KIAA1217: variants seen among roughly 807,000 people sequenced by gnomAD.
The protein encoded by KIAA1217 is KIAA1217, also known as sickle tail protein homolog.
Under a neutral mutation model 163.9 loss-of-function variants are expected in KIAA1217, and 88 were observed. The observed-to-expected ratio is 0.54, with a 90% CI of 0.45 to 0.64. The LOEUF is 0.64. KIAA1217 is among the 30% of genes least tolerant of loss of function. The pLI, the probability that KIAA1217 is intolerant of heterozygous loss-of-function variation, is 0.00. For synonymous variants in KIAA1217, 903 were observed against 923.1 expected (o/e 0.98, Z 0.39); for missense variants, 2,372 against 2,475.0 (o/e 0.96, Z 0.88).
chr10:23,864,646 G>A (rs1014108768), intron 1 of KIAA1217, among the ~76,000 whole-genome samples: 7 of 151,760 alleles, frequency 4.6e-5, no homozygotes, highest in African/African-American at 1.5e-4. Context: ...CACATGAATA[G>A]GGCTTTTGTT....
chr10:23,890,219 T>C (rs978404780), intron 1 of KIAA1217, among the ~76,000 whole-genome samples: 4 of 151,740 alleles, frequency 2.6e-5, no homozygotes, highest in Non-Finnish European at 5.9e-5. Context: ...GTTAATTCTC[T>C]ATTTTCATTT....
Position 24,545,948 on chromosome 10 carries a change from G to C in KIAA1217, c.5456G>C (p.Ser1819Thr). ...SGKSSSLPSS[S>T]GDSSNLPNPP... The stretch of plus-strand genomic sequence containing the variant: ...AAAAGCAGTTCTCTGCCCTCTTCTA[G>C]TGGTGACAGCTCTAACCTCCCTAAT... Residue 1819 changes from serine to threonine, a missense_variant, in exon 21 of 21, where the codon AGT becomes ACT. Ser to Thr is a moderately conservative substitution (Grantham distance 58). Transcript: ENST00000376454. The C allele has an allele frequency of 6.2e-7, 1 of 1,614,124 alleles. No homozygotes were observed. Among genetic ancestry groups the C allele is most frequent in the Non-Finnish European group, 8.5e-7 (1 of 1,180,044 alleles).
intron 2 of KIAA1217, among the ~76,000 whole-genome samples, chr10:24,121,530 G>A (rs2131778318): frequency 6.6e-6 from 1 of 152,288 alleles, no homozygotes; most frequent in East Asian, 1.9e-4. Flanking sequence ...AAGACAGAAT[G>A]AAGTCTTTCA....
At chr10:24,329,835 T>C (rs2045429302) in intron 2 of KIAA1217, among the ~76,000 whole-genome samples, 2 of 152,090 alleles carry the variant, frequency 1.3e-5, no homozygotes, top group Admixed American at 1.3e-4. Flanking sequence ...GAAATCATAA[T>C]GGAAAGAGGC....
At chr10:24,102,391 A>G (rs943816482) in intron 2 of KIAA1217, among the ~76,000 whole-genome samples, 1 of 152,234 alleles carries the variant, frequency 6.6e-6, no homozygotes, top group African/African-American at 2.4e-5. Context: ...AAATCAAAGA[A>G]CTACTAAATA....
chr10:24,070,078 G>A lies in KIAA1217; in HGVS notation c.-171+62704G>A, dbSNP rs77076891. ...TTGTCTCAAACTCCTGGCCTCTAGC[G>A]ATCCTTCCACCTTGGCCTCCCAGTG... On this transcript the variant is annotated intron_variant, in intron 2 of 18. Transcript: ENST00000376462. Among the ~76,000 whole-genome samples the A allele has an allele frequency of 3.2e-3, 485 of 152,174 alleles. 6 individuals carry two copies. Among genetic ancestry groups the A allele is most frequent in the African/African-American group, 0.011 (445 of 41,518 alleles).
At chr10:24,001,199 G>A (rs1453507144) in intron 1 of KIAA1217, among the ~76,000 whole-genome samples, 1 of 152,044 alleles carries the variant, frequency 6.6e-6, no homozygotes, top group Non-Finnish European at 1.5e-5. Context: ...CTGTCTTTAT[G>A]TAATAATTGG....
intron 2 of KIAA1217, among the ~76,000 whole-genome samples, chr10:24,244,204 T>A (rs1457777201): frequency 6.6e-6 from 1 of 152,248 alleles, no homozygotes; most frequent in Non-Finnish European, 1.5e-5. Context: ...TTCACAGAAA[T>A]GATTTCTTCA....
chr10:24,543,117 G>A lies in KIAA1217; in HGVS notation c.3847G>A (p.Gly1283Arg). ...TCCATTAGAAGATGAAATAAACAAA[G>A]GGTCTAAAATCTCAGGCCTGCAATA... ...ISPLEDEINK[G>R]SKISGLQYSI... Residue 1283 changes from glycine (G) to arginine (R), a missense_variant, in exon 19 of 21, where the codon GGG becomes AGG. Gly to Arg is a moderately radical substitution (Grantham distance 125, BLOSUM62 -2). This residue lies in a region of KIAA1217 where 251 missense variants were observed against 327.3 expected (regional missense o/e 0.77). Transcript: ENST00000376454. The A allele has an allele frequency of 1.2e-6, 2 of 1,613,440 alleles. No individual in the cohort carries two copies. Among genetic ancestry groups the A allele is most frequent in the Non-Finnish European group, 1.7e-6 (2 of 1,179,974 alleles).
intron 5 of KIAA1217, chr10:24,466,885 A>G (rs541873893): frequency 1.1e-5 from 8 of 705,986 alleles, no homozygotes; most frequent in Admixed American, 6.3e-5. Context: ...ATTGAGTGGT[A>G]TGTTTACAAA....
intron 2 of KIAA1217, among the ~76,000 whole-genome samples, chr10:24,276,266 A>T (rs2077272858): frequency 1.3e-5 from 2 of 152,224 alleles, no homozygotes; most frequent in Admixed American, 6.5e-5. Flanking sequence ...ACGCAGAAAC[A>T]CAAAGGGATT....
intron 1 of KIAA1217, among the ~76,000 whole-genome samples, chr10:23,890,606 C>G (rs1435748154): frequency 5.9e-5 from 9 of 151,826 alleles, no homozygotes; most frequent in Admixed American, 5.9e-4. Context: ...ATGATAAGCT[C>G]ACATACTCTG....
chr10:23,787,328 C>G (rs1935258645), intron 1 of KIAA1217, among the ~76,000 whole-genome samples: 2 of 152,136 alleles, frequency 1.3e-5, no homozygotes, highest in Non-Finnish European at 2.9e-5. Context: ...TGGTTACCTG[C>G]TATGGCTGGT....
At chr10:24,110,062 C>A (rs866743379) in intron 2 of KIAA1217, among the ~76,000 whole-genome samples, 1 of 152,134 alleles carries the variant, frequency 6.6e-6, no homozygotes, top group Non-Finnish European at 1.5e-5. Context: ...GTTTACAAAC[C>A]TATCAAGTGC....
At chr10:24,513,498 A>G in intron 10 of KIAA1217, 64 bp downstream of exon 10, 1 of 1,523,018 alleles carries the variant, frequency 6.6e-7, no homozygotes, top group Non-Finnish European at 9.0e-7. Context: ...CATTACTAAG[A>G]AGGAGGTCCT....
intron 2 of KIAA1217, among the ~76,000 whole-genome samples, chr10:24,334,238 G>T (rs1348008907): frequency 6.6e-6 from 1 of 152,108 alleles, no homozygotes; most frequent in African/African-American, 2.4e-5. Flanking sequence ...TTAGTCTATT[G>T]CAAGAAAGTT....
intron 1 of KIAA1217, among the ~76,000 whole-genome samples, chr10:23,983,481 G>A (rs1490340066): frequency 1.3e-5 from 2 of 152,116 alleles, no homozygotes; most frequent in Admixed American, 1.3e-4. Flanking sequence ...TACATGGCTG[G>A]AGCAGAAGGA....
intron 1 of KIAA1217, among the ~76,000 whole-genome samples, chr10:23,959,789 C>T (rs1262636291): frequency 1.3e-5 from 2 of 151,934 alleles, no homozygotes; most frequent in Non-Finnish European, 2.9e-5. Context: ...CCTGTTTGTT[C>T]AGATTCTCCT....
intron 2 of KIAA1217, among the ~76,000 whole-genome samples, chr10:24,095,182 C>T (rs1339353182): frequency 2.0e-5 from 3 of 152,238 alleles, no homozygotes; most frequent in Non-Finnish European, 4.4e-5. Flanking sequence ...ACCCCTTGCG[C>T]TTCCCGAGTA....
Sources: allele counts gnomAD v4.1 joint callset (sites outside exome capture counted in the v4.1 genomes callset), GRCh38; gene constraint gnomAD v4.1.1; regional missense constraint gnomAD v4.1.1; transcripts MANE v1.5; gene names NCBI Gene and HGNC (gene_info 2026-07-23, HGNC 2026-07-21).